Variants in POLE observed in about 807,000 individuals in gnomAD.
The protein encoded by POLE is DNA polymerase epsilon catalytic subunit A.
POLE carries 188 observed loss-of-function variants against 279.2 expected under a neutral mutation model. That is an observed-to-expected ratio of 0.67 (90% CI 0.60 to 0.76). The LOEUF is 0.76. Ranked by LOEUF, POLE falls within the 30% of genes least tolerant of loss-of-function variation. The pLI is 0.00. For missense variants in POLE, 2,703 were observed against 3,016.7 expected, an observed-to-expected ratio of 0.90 and a Z score of 2.44; for synonymous variants, 1,214 against 1,172.5, an observed-to-expected ratio of 1.04 and a Z score of -0.72.
chr12:132,659,488 C>T lies in POLE; in HGVS notation c.3082G>A (p.Glu1028Lys), dbSNP rs2138678777. The T allele has an allele frequency of 6.2e-7, 1 of 1,614,146 alleles. No individual in the cohort carries two copies. The highest frequency in any genetic ancestry group is 8.5e-7 in the Non-Finnish European group (1 of 1,180,032). ...YSKAANMPDS[E>K]LFELISENRS... ...TTCTCAGAGATGAGCTCGAATAGCT[C>T]AGAGTCAGGCATGTTGGCTGCCTAG... Residue 1028 changes from glutamate to lysine, a missense_variant, in exon 26 of 49, where the codon GAG (glutamate) becomes AAG (lysine). Glu to Lys is a moderately conservative substitution (Grantham distance 56). Coordinates refer to ENST00000320574, the MANE Select transcript of POLE (RefSeq NM_006231.4).
rs1290729548 is a variant in POLE at position 132,686,201 on chromosome 12, G to A, written c.62+1053C>T. ...CTCATCCGTTTTCTGCTTATGGCAG[G>A]CCAGTCCTCCGGTCATGTTTACCGT... On this transcript the variant is annotated intron_variant, in intron 1 of 48. Coordinates refer to ENST00000320574, the MANE Select transcript of POLE (RefSeq NM_006231.4). 2.6e-5 allele frequency among the ~76,000 whole-genome samples: 4 copies of A among 152,054 alleles called. No individual in the cohort carries two copies. In the East Asian group the frequency reaches 5.9e-4, roughly 22 times the overall value.
chr12:132,680,191 A>T lies in POLE; in HGVS notation c.317T>A (p.Ile106Asn), dbSNP rs1593086361. Residue 106 changes from isoleucine to asparagine, a missense_variant, in exon 4 of 49, where the codon ATT becomes AAT. Ile to Asn is a moderately radical substitution (Grantham distance 149, BLOSUM62 -3). Around this residue, in one of 5 missense-constraint regions of POLE, gnomAD observed 1,011 missense variants for 1,111.7 expected, o/e 0.91. Transcript: ENST00000320574. ...VALPYKPYFYIATRKGCEREV... is the reference protein window; with the variant it reads ...VALPYKPYFYNATRKGCEREV... ...AAACACACTCACCTTTCTGGTCGCA[A>T]TGTAGAAATACGGTTTATAGGGCAA... The T allele has an allele frequency of 1.2e-6, 2 of 1,614,156 alleles. No individual in the cohort carries two copies. Among genetic ancestry groups the T allele is most frequent in the Non-Finnish European group, 1.7e-6 (2 of 1,179,976 alleles).
At position 132,639,239 on chromosome 12, in the gene POLE, T is replaced by A. The variant is rs752559134; in HGVS notation, c.5438A>T (p.Tyr1813Phe). 39 of 1,613,966 alleles carry A rather than the reference T, an allele frequency of 2.4e-5. No individual in the cohort carries two copies. The highest frequency in any genetic ancestry group is 1.6e-4 in the Middle Eastern group (1 of 6,084). Residue 1813 changes from tyrosine (Y) to phenylalanine (F), a missense_variant, in exon 40 of 49, where the codon TAT becomes TTT. This residue lies in a region of POLE where 1,551 missense variants were observed against 1,686.1 expected (regional missense o/e 0.92). Coordinates refer to ENST00000320574, the MANE Select transcript of POLE (RefSeq NM_006231.4). This position sits in a 1 kb window ranked among gnomAD's most constrained non-coding sequence, Gnocchi z 4.7. ...GAAGTGCATCACCTGGTTGTCTGCA[T>A]AGATGTTGTGGTACTGGGTGATCTC... Reference protein sequence around the residue: ...VKEITQYHNIYADNQVMHFYR... With the variant: ...VKEITQYHNIFADNQVMHFYR...
intron 1 of POLE, among the ~76,000 whole-genome samples, chr12:132,682,821 C>T (rs7308124): frequency 0.32 from 47,547 of 150,610 alleles, 8,615 homozygotes; most frequent in Non-Finnish European, 0.41. Flanking sequence ...GGCGTGGTGG[C>T]GGGCGCCTGT....
chr12:132,672,427 C>G, intron 15 of POLE, 105 bp from the exon 16 acceptor site: 1 of 1,151,710 alleles, frequency 8.7e-7, no homozygotes, highest in East Asian at 2.4e-5. Context: ...CCCGAGAAAG[C>G]TCCGGAAGGA....
intron 26 of POLE, chr12:132,658,246 G>A (rs1227183305): frequency 5.4e-6 from 2 of 372,836 alleles, no homozygotes; most frequent in South Asian, 5.4e-5. Flanking sequence ...AAACACATGC[G>A]TGTGCGTAGA....
intron 46 of POLE, 133 bp downstream of exon 46, chr12:132,625,982 CTG>C (rs1229717207): frequency 9.0e-7 from 1 of 1,115,874 alleles, no homozygotes; most frequent in Non-Finnish European, 1.3e-6. Context: ...GGGAAGGGGC[CTG>C]TTGCCAATCC....
intron 33 of POLE, 62 bp from the exon 34 acceptor site, chr12:132,643,622 TGAC>T: frequency 6.2e-7 from 1 of 1,604,934 alleles, no homozygotes; most frequent in Non-Finnish European, 8.5e-7. Flanking sequence ...GCTGCCCACG[TGAC>T]TTCTGCCCGG....
chr12:132,666,114 G>A (rs997763316), intron 20 of POLE, among the ~76,000 whole-genome samples: 6 of 152,196 alleles, frequency 3.9e-5, no homozygotes, highest in African/African-American at 4.8e-5. Flanking sequence ...ACCTGAAGAC[G>A]CACTTGCAGC....
chr12:132,643,692 G>T, intron 33 of POLE, 132 bp from the exon 34 acceptor site: 1 of 1,461,620 alleles, frequency 6.8e-7, no homozygotes, highest in Non-Finnish European at 9.4e-7. Context: ...ACTTTTGGCA[G>T]ACACACTGCT....
intron 45 of POLE, among the ~76,000 whole-genome samples, 163 bp downstream of exon 45, chr12:132,632,152 T>C (rs1011862790): frequency 9.2e-5 from 14 of 152,116 alleles, no homozygotes; most frequent in African/African-American, 3.4e-4. Context: ...CTGCATTCAT[T>C]AACATCCTTA....
intron 45 of POLE, among the ~76,000 whole-genome samples, chr12:132,632,045 G>A (rs1044826255): frequency 6.6e-6 from 1 of 152,182 alleles, no homozygotes; most frequent in Non-Finnish European, 1.5e-5. Flanking sequence ...TTGGTGGAAT[G>A]AACAAGTAAC....
chr12:132,664,445 A>G lies in POLE; in HGVS notation c.2486T>C (p.Met829Thr), dbSNP rs1060500860. The change falls in exon 22 of 49, where the codon ATG (methionine) becomes ACG (threonine). Residue 829 changes from methionine to threonine, a missense_variant. Transcript: ENST00000320574. The surrounding 1 kb of genome is among the most constrained non-coding windows in gnomAD (Gnocchi z 5.3). Reference protein sequence around the residue: ...VMRKGARWYSMEMAGIVCFTG... With the variant: ...VMRKGARWYSTEMAGIVCFTG... The stretch of plus-strand genomic sequence containing the variant: ...GAAGCAGACGATGCCAGCCATCTCC[A>G]TGGAGTACCAGCGAGCCCTGAGAGG... The G allele has an allele frequency of 6.2e-7, 1 of 1,613,882 alleles. No homozygotes were observed. Among genetic ancestry groups the G allele is most frequent in the African/African-American group, 1.3e-5 (1 of 74,910 alleles).
intron 1 of POLE, among the ~76,000 whole-genome samples, chr12:132,685,414 A>T (rs554322985): frequency 3.9e-5 from 6 of 152,248 alleles, no homozygotes; most frequent in Admixed American, 2.0e-4. Context: ...GACAACCCCT[A>T]CGAGGGAGGC....
At chr12:132,679,208 T>A (rs1320921336) in intron 6 of POLE, among the ~76,000 whole-genome samples, 1 of 152,172 alleles carries the variant, frequency 6.6e-6, no homozygotes, top group African/African-American at 2.4e-5. Context: ...GTTAGGGCAG[T>A]AGGATGAGGG....
intron 39 of POLE, 102 bp downstream of exon 39, chr12:132,641,545 A>C (rs2042141311): frequency 1.0e-6 from 1 of 959,622 alleles, no homozygotes. Flanking sequence ...ATTAAGACTA[A>C]GGGAAGCCCA....
Position 132,675,409 on chromosome 12 carries a change from C to G in POLE, c.1215G>C (p.Met405Ile), listed in dbSNP as rs1060500847. ...GEYKAPQCIH[M>I]DCLRWVKRDS... is the part of the protein sequence containing the mutation. Reference sequence around the variant, plus strand: ...TCTGTGGCCCCTACCTGAGGCAGTCCATGTGGATGCACTGGGGCGCCTTGT... The same window carrying G: ...TCTGTGGCCCCTACCTGAGGCAGTCGATGTGGATGCACTGGGGCGCCTTGT... The change falls in exon 12 of 49, where the codon ATG (methionine) becomes ATC (isoleucine). Residue 405 changes from methionine (M) to isoleucine (I), a missense_variant. By Grantham distance (10) the Met-to-Ile change is conservative (BLOSUM62 1). Around this residue, in one of 5 missense-constraint regions of POLE, gnomAD observed 1,011 missense variants for 1,111.7 expected, o/e 0.91. Coordinates refer to ENST00000320574, the MANE Select transcript of POLE (RefSeq NM_006231.4). The surrounding 1 kb of genome is among the most constrained non-coding windows in gnomAD (Gnocchi z 4.3). 2 of 1,614,092 alleles carry G rather than the reference C, an allele frequency of 1.2e-6. No homozygotes were observed. Among genetic ancestry groups the G allele is most frequent in the Non-Finnish European group, 1.7e-6 (2 of 1,179,998 alleles).
chr12:132,626,094 G>A, intron 46 of POLE, 23 bp downstream of exon 46: 1 of 1,571,788 alleles, frequency 6.4e-7, no homozygotes. Flanking sequence ...CACAGTGAAG[G>A]GCCCGCTGGA....
At position 132,661,453 on chromosome 12, in the gene POLE, C is replaced by A; in HGVS notation, c.2864+74G>T. On this transcript the variant is annotated intron_variant, in intron 24 of 48. Transcript: ENST00000320574. The surrounding 1 kb of genome is among the most constrained non-coding windows in gnomAD (Gnocchi z 4.1). ...GTTTCTATCCTGGCTCCTGATCCAA[C>A]CTCCTTTCTGGGCTAAATTTAATCT... 3.3e-6 allele frequency: 5 copies of A among 1,516,544 alleles called. No individual in the cohort carries two copies. The highest frequency in any genetic ancestry group is 4.5e-6 in the Non-Finnish European group (5 of 1,109,724). The allele number at this position is 1,516,544 out of a possible 1,614,324, so 93.9% of individuals were successfully genotyped here. A position where few individuals can be genotyped will look rare whatever the true frequency, so the allele number is the denominator to read the frequency against.
Sources: gnomAD v4.1 joint callset for allele counts (sites outside exome capture counted in the v4.1 genomes callset) on GRCh38, gnomAD v4.1.1 for gene constraint, gnomAD v4.1.1 regional missense constraint, Gnocchi (gnomAD v3.1) non-coding constraint, MANE v1.5 for transcripts, NCBI Gene and HGNC (gene_info 2026-07-23, HGNC 2026-07-21) for gene names.